The following TSHZ2 variants were observed in gnomAD, a reference collection of about 807,000 sequenced individuals.
The protein encoded by TSHZ2 is teashirt homolog 2.
A neutral mutation model predicts 74.4 loss-of-function variants in TSHZ2; 21 were observed. That is an observed-to-expected ratio of 0.28 (90% CI 0.20 to 0.41). TSHZ2 has a LOEUF of 0.41. Ranked by LOEUF, TSHZ2 falls within the 10% of genes least tolerant of loss-of-function variation. TSHZ2 has a pLI of 1.00. For synonymous variants in TSHZ2, 540 were observed against 515.3 expected (o/e 1.05, Z -0.65); for missense variants, 1,244 against 1,293.5 (o/e 0.96, Z 0.59).
At chr20:53,125,041 G>A (rs546329576) in intron 1 of TSHZ2, among the ~76,000 whole-genome samples, 2 of 152,262 alleles carry the variant, frequency 1.3e-5, no homozygotes, top group African/African-American at 4.8e-5. Context: ...ACCTGGATTT[G>A]GCATCACTTT....
At chr20:53,409,796 GA>G in intron 2 of TSHZ2, among the ~76,000 whole-genome samples, 1 of 141,416 alleles carries the variant, frequency 7.1e-6, no homozygotes, top group Non-Finnish European at 1.5e-5. Flanking sequence ...ACAAAGCCTT[GA>G]AAAAGGTCTT....
At chr20:53,455,903 C>T (rs368133328) in intron 2 of TSHZ2, among the ~76,000 whole-genome samples, 237 of 151,216 alleles carry the variant, frequency 1.6e-3, no homozygotes, top group Non-Finnish European at 2.5e-3. Context: ...TCATTTTTTA[C>T]GGCTGCATAG....
At chr20:53,339,062 G>C (rs1042003078) in intron 2 of TSHZ2, among the ~76,000 whole-genome samples, 1 of 152,174 alleles carries the variant, frequency 6.6e-6, no homozygotes, top group Non-Finnish European at 1.5e-5. Flanking sequence ...AAAGAATTAA[G>C]CTCAGCATTG....
At chr20:52,981,238 A>G (rs768884665) in intron 1 of TSHZ2, among the ~76,000 whole-genome samples, 2 of 152,192 alleles carry the variant, frequency 1.3e-5, no homozygotes, top group Non-Finnish European at 2.9e-5. Flanking sequence ...CTAGTTATTT[A>G]GCCCCGGGCA....
At chr20:53,420,464 T>G (rs1294098483) in intron 2 of TSHZ2, among the ~76,000 whole-genome samples, 2 of 152,094 alleles carry the variant, frequency 1.3e-5, no homozygotes, top group East Asian at 3.9e-4. Context: ...GCGCGGTGGC[T>G]CACGCCTGTA....
intron 1 of TSHZ2, among the ~76,000 whole-genome samples, chr20:53,142,888 T>C (rs921884406): frequency 2.0e-5 from 3 of 152,108 alleles, no homozygotes; most frequent in African/African-American, 7.2e-5. Context: ...AAGACGATAA[T>C]GAGCACTTGG....
At chr20:53,453,460 G>A (rs1035306834) in intron 2 of TSHZ2, among the ~76,000 whole-genome samples, 1 of 152,100 alleles carries the variant, frequency 6.6e-6, no homozygotes, top group Non-Finnish European at 1.5e-5. Flanking sequence ...TTCCTAGCTT[G>A]GGGTCCTTCA....
chr20:53,167,325 T>G (rs1343268441), intron 1 of TSHZ2, among the ~76,000 whole-genome samples: 1 of 152,230 alleles, frequency 6.6e-6, no homozygotes, highest in Non-Finnish European at 1.5e-5. Flanking sequence ...ACATTTTCTC[T>G]TCTGATCTTC....
intron 1 of TSHZ2, among the ~76,000 whole-genome samples, chr20:53,175,131 CTTT>C (rs750453219): frequency 1.5e-3 from 98 of 63,630 alleles, no homozygotes; most frequent in African/African-American, 6.8e-3. Context: ...CTTCTTCTTT[CTTT>C]TTTTTTTTTT....
chr20:53,232,460 A>G (rs1600756744), intron 1 of TSHZ2, among the ~76,000 whole-genome samples: 2 of 152,206 alleles, frequency 1.3e-5, no homozygotes, highest in African/African-American at 4.8e-5. Context: ...CATGGATCAC[A>G]TTTCTGATCG....
chr20:53,342,955 C>CTTTTTTT lies in TSHZ2; in HGVS notation c.*8+86407_*8+86413dup, dbSNP rs1175907478. On this transcript the variant is annotated intron_variant, in intron 2 of 2. Transcript: ENST00000371497. ...TATTTCTTTTCTTTTCTTTTCTTTT[C>CTTTTTTT]TTTTTTTTTTTTTTTTTTTTTTTTT... 5.5e-3 allele frequency among the ~76,000 whole-genome samples: 334 copies of CTTTTTTT among 61,250 alleles called. 45 individuals carry two copies. Among genetic ancestry groups the CTTTTTTT allele is most frequent in the African/African-American group, 7.3e-3 (110 of 14,980 alleles). 40.2% of individuals were successfully genotyped at this position (61,250 alleles called of 152,430 possible).
At position 53,135,007 on chromosome 20, in the gene TSHZ2, GACACACACAC is replaced by G. The variant is rs139347142; in HGVS notation, c.41-118472_41-118463del. 8.8e-3 allele frequency among the ~76,000 whole-genome samples: 1,306 copies of G among 148,710 alleles called. 24 individuals are homozygous for G. The highest frequency in any genetic ancestry group is 0.03 in the African/African-American group (1,210 of 40,484). ...ACACACACACATACATGCACATGCA[GACACACACAC>G]ACACACACACACACACACAAGGGTT... On this transcript the variant is annotated intron_variant, in intron 1 of 2. Coordinates refer to ENST00000371497, the MANE Select transcript of TSHZ2 (RefSeq NM_173485.6).
Position 53,254,794 on chromosome 20 carries a change from T to C in TSHZ2, c.1336T>C (p.Ser446Pro). 6.2e-7 allele frequency: 1 copy of C among 1,613,370 alleles called. No individual in the cohort carries two copies. The highest frequency in any genetic ancestry group is 8.5e-7 in the Non-Finnish European group (1 of 1,179,610). The stretch of plus-strand genomic sequence containing the variant: ...CAGTGATTCTCTGGCTCCCAAGCCA[T>C]CCAGTAACTCAGCATCAGATTGTAC... The part of the protein sequence containing the change: ...PNSDSLAPKP[S>P]SNSASDCTAS... The change falls in exon 2 of 3, where the codon TCC (serine) becomes CCC (proline). Residue 446 changes from serine to proline, a missense_variant. Ser to Pro is a moderately conservative substitution (Grantham distance 74, BLOSUM62 -1). Coordinates refer to ENST00000371497, the MANE Select transcript of TSHZ2 (RefSeq NM_173485.6).
chr20:53,373,240 TG>T (rs1981541444), intron 2 of TSHZ2, among the ~76,000 whole-genome samples: 1 of 152,228 alleles, frequency 6.6e-6, no homozygotes, highest in African/African-American at 2.4e-5. Context: ...TTGACTGGTT[TG>T]GTATTTATTC....
intron 2 of TSHZ2, among the ~76,000 whole-genome samples, chr20:53,440,923 T>TA (rs1984288136): frequency 6.6e-6 from 1 of 152,238 alleles, no homozygotes; most frequent in African/African-American, 2.4e-5. Flanking sequence ...AGCAGCTTTC[T>TA]AGGTGACTCA....
intron 1 of TSHZ2, among the ~76,000 whole-genome samples, chr20:53,044,528 G>A (rs767394340): frequency 1.3e-5 from 2 of 152,174 alleles, no homozygotes; most frequent in African/African-American, 2.4e-5. Context: ...GGCCATCAGC[G>A]TGTCAGTGGC....
chr20:53,429,609 C>A (rs1983767729), intron 2 of TSHZ2, among the ~76,000 whole-genome samples: 1 of 152,154 alleles, frequency 6.6e-6, no homozygotes, highest in Admixed American at 6.5e-5. Context: ...GTTCATTAAA[C>A]CTCTTTCTTT....
chr20:53,131,099 A>G (rs1234713075), intron 1 of TSHZ2, among the ~76,000 whole-genome samples: 1 of 152,228 alleles, frequency 6.6e-6, no homozygotes, highest in South Asian at 2.1e-4. Flanking sequence ...AGGAAGAGGG[A>G]AAGATAAACC....
At chr20:52,975,297 CA>C (rs1215652573) in intron 1 of TSHZ2, among the ~76,000 whole-genome samples, 1 of 151,916 alleles carries the variant, frequency 6.6e-6, no homozygotes, top group Admixed American at 6.6e-5. Flanking sequence ...AACAACTAGG[CA>C]GTAATTTAAA....
Sources: allele counts gnomAD v4.1 joint callset (sites outside exome capture counted in the v4.1 genomes callset), GRCh38; gene constraint gnomAD v4.1.1; transcripts MANE v1.5; gene names NCBI Gene and HGNC (gene_info 2026-07-23, HGNC 2026-07-21).